The following C2orf74 variants were observed in gnomAD, a reference collection of about 807,000 sequenced individuals.
The protein encoded by C2orf74 is DPM1 ER membrane anchor 1.
Under a neutral mutation model 17.9 loss-of-function variants are expected in C2orf74, and 14 were observed. The ratio of observed to expected loss-of-function variants is 0.78; its 90% CI spans 0.52 to 1.22. The LOEUF (loss-of-function observed/expected upper bound fraction) is 1.22, where lower values mean the gene tolerates loss of function less well. C2orf74 is among the 50% of genes most tolerant of loss of function. C2orf74 has a pLI of 0.00. For missense variants in C2orf74, 217 were observed against 218.4 expected (o/e 0.99, Z 0.04); for synonymous variants, 79 against 72.6 (o/e 1.09, Z -0.44).
At position 61,164,455 on chromosome 2, in the gene C2orf74, A is replaced by G. The variant is rs762674904; in HGVS notation, c.492A>G (p.Val164=). ...PLKGVTFSRE[V]IVVDLGNEYP... ...AAGGAGTGACATTTTCTAGGGAGGT[A>G]ATTGTTGTGGATCTTGGGAATGAAT... Residue 164 remains valine (V), a synonymous_variant, in exon 5 of 5, where the codon GTA becomes GTG. Transcript: ENST00000432605. 4.5e-6 allele frequency: 7 copies of G among 1,551,154 alleles called. No individual in the cohort carries two copies. The highest frequency in any genetic ancestry group is 5.2e-6 in the Non-Finnish European group (6 of 1,146,840).
chr2:61,156,605 C>T (rs779449631), intron 1 of C2orf74, among the ~76,000 whole-genome samples: 4 of 151,676 alleles, frequency 2.6e-5, no homozygotes, highest in Admixed American at 6.6e-5. Context: ...AATAATTGGC[C>T]GGGCGTGGTG....
intron 1 of C2orf74, chr2:61,151,984 C>T (rs1289712557): frequency 6.6e-6 from 1 of 152,350 alleles, no homozygotes; most frequent in Non-Finnish European, 1.5e-5. Flanking sequence ...GAGACAATGG[C>T]ATTTAAACCA....
At chr2:61,153,509 C>T (rs1417067192) in intron 1 of C2orf74, among the ~76,000 whole-genome samples, 1 of 151,530 alleles carries the variant, frequency 6.6e-6, no homozygotes, top group Admixed American at 6.6e-5. Flanking sequence ...GTCTCAATCT[C>T]CTGACCTCGT....
intron 1 of C2orf74, among the ~76,000 whole-genome samples, chr2:61,146,127 C>T (rs954504757): frequency 1.1e-4 from 17 of 152,288 alleles, no homozygotes; most frequent in African/African-American, 3.9e-4. Flanking sequence ...TTGTAAACTA[C>T]GTGAGTATCC....
chr2:61,160,502 T>A (rs942437760), upstream of C2orf74, among the ~76,000 whole-genome samples: 3 of 151,200 alleles, frequency 2.0e-5, no homozygotes, highest in Admixed American at 1.3e-4. Flanking sequence ...TTCCACTGAG[T>A]GTATATACCA....
rs1203260077 is a variant in C2orf74, at chr2:61,164,506, A to G, written c.543A>G (p.Arg181=). The G allele has an allele frequency of 1.3e-6, 2 of 1,535,234 alleles. No homozygotes were observed. The highest frequency in any genetic ancestry group is 1.4e-5 in the African/African-American group (1 of 72,182). Residue 181 remains arginine (R), a synonymous_variant, in exon 5 of 5, where the codon CGA becomes CGG. Transcript: ENST00000432605. ...ACCCTACACCTCGAAGCTATACTCG[A>G]GAACATAAAGAGAGGAAATGAAGCT... ...NEYPTPRSYT[R]EHKERK is the part of the protein sequence containing the mutation.
chr2:61,147,416 CAA>C (rs1264138675), intron 1 of C2orf74, among the ~76,000 whole-genome samples: 6 of 152,272 alleles, frequency 3.9e-5, no homozygotes, highest in South Asian at 4.1e-4. Context: ...CTTGGAATAA[CAA>C]GAGTTCATCC....
chr2:61,155,031 C>T (rs557843680), intron 1 of C2orf74, among the ~76,000 whole-genome samples: 1 of 152,240 alleles, frequency 6.6e-6, no homozygotes, highest in East Asian at 1.9e-4. Context: ...CACCACTGCA[C>T]TCCAGCCTGG....
At chr2:61,147,159 ACT>A (rs1376253100) in intron 1 of C2orf74, among the ~76,000 whole-genome samples, 3 of 151,520 alleles carry the variant, frequency 2.0e-5, no homozygotes, top group East Asian at 1.9e-4. Context: ...ACAGAGGAAG[ACT>A]CTCAAAAAAA....
upstream of C2orf74, among the ~76,000 whole-genome samples, chr2:61,161,106 G>C (rs1685551712): frequency 6.6e-6 from 1 of 152,020 alleles, no homozygotes; most frequent in Non-Finnish European, 1.5e-5. Context: ...CCCCTATTGG[G>C]TATGAGGTGG....
intron 1 of C2orf74, among the ~76,000 whole-genome samples, chr2:61,156,091 C>T (rs548062717): frequency 6.6e-6 from 1 of 152,030 alleles, no homozygotes; most frequent in East Asian, 2.0e-4. Flanking sequence ...TCCAGCTACT[C>T]AGGAGGCCGA....
rs1685610695 is a variant in C2orf74, at chr2:61,162,956, G to C, written c.209+1G>C. 5 of 1,552,480 alleles carry C rather than the reference G, an allele frequency of 3.2e-6. No individual in the cohort carries two copies. The East Asian group carries it at 1.2e-4, about 38-fold the overall frequency. On this transcript the variant is annotated splice_donor_variant, in intron 3 of 4. Transcript: ENST00000432605. LOFTEE classifies it high-confidence loss of function. ...CAAGCAATCCAGAGGACCATGAAAG[G>C]CGAGTGTGGTGCAGGATGTGGCAGA...
intron 1 of C2orf74, among the ~76,000 whole-genome samples, chr2:61,147,737 T>C (rs1342848062): frequency 1.3e-5 from 2 of 152,128 alleles, no homozygotes; most frequent in Non-Finnish European, 2.9e-5. Context: ...GTGGCAAATA[T>C]TTTCTACCAG....
upstream of C2orf74, among the ~76,000 whole-genome samples, chr2:61,160,958 C>A (rs1685547139): frequency 6.6e-6 from 1 of 152,190 alleles, no homozygotes; most frequent in African/African-American, 2.4e-5. Context: ...TATAGTAATT[C>A]TTTACTTAAT....
In C2orf74 at chr2:61,164,337, G is replaced by T. The variant is rs1386364795; in HGVS notation, c.391-17G>T. ...AATTGATTATTTGTTTATATTGTTT[G>T]TCCCATTCTCTTGCAGGATGATGGT... is the stretch of plus-strand genomic sequence containing the variant. On this transcript the variant is annotated splice_polypyrimidine_tract_variant and intron_variant, in intron 4 of 4. Coordinates refer to ENST00000432605, the MANE Select transcript of C2orf74 (RefSeq NM_001143959.4). 3.3e-6 allele frequency: 5 copies of T among 1,519,442 alleles called. No homozygotes were observed. In the South Asian group the frequency reaches 3.8e-5, roughly 12 times the overall value. The allele number at this position is 1,519,442 out of a possible 1,614,324, so 94.1% of individuals were successfully genotyped here.
chr2:61,153,376 G>T (rs1034025131), intron 1 of C2orf74, among the ~76,000 whole-genome samples: 1 of 150,980 alleles, frequency 6.6e-6, no homozygotes, highest in African/African-American at 2.4e-5. Flanking sequence ...CTCCTCCTGG[G>T]TTCATGCCAT....
intron 1 of C2orf74, among the ~76,000 whole-genome samples, chr2:61,154,626 C>G (rs1685340722): frequency 6.6e-6 from 1 of 152,064 alleles, no homozygotes; most frequent in Non-Finnish European, 1.5e-5. Flanking sequence ...CCTGTAAATC[C>G]AAAAACATCC....
chr2:61,146,568 G>A (rs186646384), intron 1 of C2orf74, among the ~76,000 whole-genome samples: 163 of 152,262 alleles, frequency 1.1e-3, no homozygotes, highest in African/African-American at 3.8e-3. Context: ...AGGTGCGGTG[G>A]CTCATGCTTG....
At chr2:61,157,608 C>T (rs960425032), upstream of C2orf74, among the ~76,000 whole-genome samples, 16 of 152,170 alleles carry the variant, frequency 1.1e-4, no homozygotes, top group African/African-American at 3.6e-4. Flanking sequence ...CAAGCAGAGC[C>T]CTTTTTAATC....
Sources: gnomAD v4.1 joint callset for allele counts (sites outside exome capture counted in the v4.1 genomes callset) on GRCh38, gnomAD v4.1.1 for gene constraint, MANE v1.5 for transcripts, NCBI Gene and HGNC (gene_info 2026-07-23, HGNC 2026-07-21) for gene names.